Variants in NAALADL2 observed in about 807,000 individuals in gnomAD.
NAALADL2 encodes inactive N-acetylated-alpha-linked acidic dipeptidase-like protein 2.
Under a neutral mutation model 87.2 loss-of-function variants are expected in NAALADL2, and 76 were observed. The ratio of observed to expected loss-of-function variants is 0.87; its 90% CI spans 0.72 to 1.05. The LOEUF is 1.05. NAALADL2 is among the 50% of genes least tolerant of loss of function. The pLI, the probability that NAALADL2 is intolerant of heterozygous loss-of-function variation, is 0.00. For synonymous variants in NAALADL2, 354 were observed against 331.0 expected, an observed-to-expected ratio of 1.07 and a Z score of -0.75; for missense variants, 1,089 against 945.8, an observed-to-expected ratio of 1.15 and a Z score of -1.99.
At chr3:174,791,716 T>C (rs1717472030) in intron 3 of NAALADL2, among the ~76,000 whole-genome samples, 3 of 152,212 alleles carry the variant, frequency 2.0e-5, no homozygotes, top group African/African-American at 7.2e-5. Context: ...GTTGCTTAGC[T>C]TTTTTAAAAT....
At chr3:175,717,919 G>A (rs1741573859) in intron 11 of NAALADL2, among the ~76,000 whole-genome samples, 1 of 148,618 alleles carries the variant, frequency 6.7e-6, no homozygotes, top group Non-Finnish European at 1.5e-5. Context: ...AAGAGATTCT[G>A]TTGCCTCAGC....
chr3:175,247,034 C>A (rs1748124355), intron 3 of NAALADL2, among the ~76,000 whole-genome samples: 1 of 152,116 alleles, frequency 6.6e-6, no homozygotes, highest in Non-Finnish European at 1.5e-5. Flanking sequence ...TTTTTCTTTG[C>A]TTTGACCATG....
In NAALADL2 at chr3:175,174,769, ATG is replaced by A. The variant is rs140644156; in HGVS notation, c.546-59144_546-59143del. ...GTTTATATAAACATATATGCTATTCATGTGTGTGTGTGTGTGTGTATATATAT... is the reference window on the plus strand; with the variant it reads ...GTTTATATAAACATATATGCTATTCATGTGTGTGTGTGTGTGTATATATAT... On this transcript the variant is annotated intron_variant, in intron 2 of 13. Transcript: ENST00000454872. Among the ~76,000 whole-genome samples, 637 of 143,378 alleles carry A rather than the reference ATG, an allele frequency of 4.4e-3. 5 individuals are homozygous for A. The highest frequency in any genetic ancestry group is 0.013 in the African/African-American group (538 of 39,936). 94.1% of individuals were successfully genotyped at this position (143,378 alleles called of 152,430 possible).
At chr3:174,764,534 C>T (rs1578836010) in intron 3 of NAALADL2, among the ~76,000 whole-genome samples, 1 of 152,178 alleles carries the variant, frequency 6.6e-6, no homozygotes, top group Non-Finnish European at 1.5e-5. Flanking sequence ...TACTTGAACC[C>T]AGGAGGTGTA....
intron 1 of NAALADL2, among the ~76,000 whole-genome samples, chr3:174,890,846 A>T (rs1327120450): frequency 6.6e-6 from 1 of 152,146 alleles, no homozygotes; most frequent in Non-Finnish European, 1.5e-5. Context: ...AAAAATATTG[A>T]TTTCTTTATT....
intron 2 of NAALADL2, among the ~76,000 whole-genome samples, chr3:175,229,233 C>T (rs1243799515): frequency 6.6e-6 from 1 of 151,460 alleles, no homozygotes; most frequent in East Asian, 1.9e-4. Flanking sequence ...AGTTAAATCT[C>T]TAAATAATTA....
At chr3:175,105,361 T>G (rs756796281) in intron 2 of NAALADL2, among the ~76,000 whole-genome samples, 5 of 152,034 alleles carry the variant, frequency 3.3e-5, no homozygotes, top group Admixed American at 6.6e-5. Context: ...TTGATAAGGC[T>G]TCATGTCCAT....
At chr3:175,090,512 C>T (rs980388788) in intron 1 of NAALADL2, among the ~76,000 whole-genome samples, 2 of 151,682 alleles carry the variant, frequency 1.3e-5, no homozygotes, top group Admixed American at 6.6e-5. Flanking sequence ...GGTGCTCATG[C>T]ATATGCAAGT....
chr3:174,615,475 A>G (rs79960047), intron 2 of NAALADL2, among the ~76,000 whole-genome samples: 2,554 of 152,328 alleles, frequency 0.017, 85 homozygotes, highest in African/African-American at 0.057. Flanking sequence ...AACAGTCACA[A>G]AGCAGTAGCA....
chr3:175,458,004 A>C (rs1722575522), intron 6 of NAALADL2, among the ~76,000 whole-genome samples: 1 of 152,110 alleles, frequency 6.6e-6, no homozygotes, highest in Non-Finnish European at 1.5e-5. Flanking sequence ...TAATACTCAA[A>C]TTGTCAAATG....
intron 10 of NAALADL2, among the ~76,000 whole-genome samples, chr3:175,584,399 AAGGTCACCC>A (rs11279649): frequency 0.11 from 17,220 of 152,082 alleles, 2,432 homozygotes; most frequent in African/African-American, 0.33. Context: ...AAAACTGGCC[AAGGTCACCC>A]ATCTATTCAA....
At chr3:175,182,550 G>GTTTTTTTTTTTTTTTTTTTTTTTTTTT (rs1161831796) in intron 2 of NAALADL2, among the ~76,000 whole-genome samples, 2 of 69,474 alleles carry the variant, frequency 2.9e-5, no homozygotes, top group African/African-American at 1.2e-4. Context: ...ACCACAGCCA[G>GTTTTTTTTTTTTTTTTTTTTTTTTTTT]TTTTTTTTTT....
At chr3:174,897,888 C>A (rs945446924) in intron 1 of NAALADL2, among the ~76,000 whole-genome samples, 9 of 148,276 alleles carry the variant, frequency 6.1e-5, no homozygotes, top group African/African-American at 1.3e-4. Flanking sequence ...CCGAGGCGGG[C>A]GGATCACGAG....
intron 9 of NAALADL2, among the ~76,000 whole-genome samples, chr3:175,506,305 G>A (rs1006997595): frequency 1.1e-4 from 17 of 152,174 alleles, no homozygotes; most frequent in Non-Finnish European, 2.2e-4. Flanking sequence ...ATCCCTGAAC[G>A]TTTAGTTTCA....
chr3:175,424,619 A>G (rs1251159497), intron 5 of NAALADL2, among the ~76,000 whole-genome samples: 2 of 151,918 alleles, frequency 1.3e-5, no homozygotes, highest in Non-Finnish European at 2.9e-5. Flanking sequence ...TCTGTTCTAT[A>G]TCTGTTCTAT....
Position 175,803,086 on chromosome 3 carries a change from A to G in NAALADL2, c.2271A>G (p.Ala757=), listed in dbSNP as rs368787061. The G allele has an allele frequency of 6.0e-5, 97 of 1,612,452 alleles. No homozygotes were observed. Among genetic ancestry groups the G allele is most frequent in the South Asian group, 9.9e-5 (9 of 91,046 alleles). ...IEAWEHCKPL[A]SNETLQEALS... ...CTTGGGAACACTGCAAACCCCTTGC[A>G]TCAAATGAGACCCTTCAAGAAGCCC... is the stretch of plus-strand genomic sequence containing the variant. The change falls in exon 14 of 14, where the codon GCA becomes GCG. Residue 757 remains alanine (A), a synonymous_variant. Transcript: ENST00000454872.
intron 1 of NAALADL2, among the ~76,000 whole-genome samples, chr3:174,871,934 A>G (rs936768861): frequency 6.6e-6 from 1 of 151,330 alleles, no homozygotes; most frequent in African/African-American, 2.5e-5. Flanking sequence ...ACCTTGTTTT[A>G]AGAAAAATGA....
chr3:175,206,781 G>A (rs1740992645), intron 2 of NAALADL2, among the ~76,000 whole-genome samples: 1 of 152,068 alleles, frequency 6.6e-6, no homozygotes, highest in Non-Finnish European at 1.5e-5. Flanking sequence ...AGAGTAGAGG[G>A]GTAGAGCCAC....
chr3:174,905,766 T>C (rs1248085825), intron 1 of NAALADL2, among the ~76,000 whole-genome samples: 3 of 152,044 alleles, frequency 2.0e-5, no homozygotes, highest in Admixed American at 2.0e-4. Context: ...TGGTATCTGA[T>C]GTAGAAGGGG....
Sources: allele counts gnomAD v4.1 joint callset (sites outside exome capture counted in the v4.1 genomes callset), GRCh38; gene constraint gnomAD v4.1.1; transcripts MANE v1.5; gene names NCBI Gene and HGNC (gene_info 2026-07-23, HGNC 2026-07-21).